Variants in ABCA13 observed in about 807,000 individuals in gnomAD.
ABCA13 encodes ATP binding cassette subfamily A member 13.
In ABCA13, 476 loss-of-function variants were observed where a neutral mutation model predicts 478.7. The observed-to-expected ratio is 0.99, with a 90% CI of 0.92 to 1.07. The LOEUF (loss-of-function observed/expected upper bound fraction) is 1.07, where lower values mean the gene tolerates loss of function less well. Ranked by LOEUF, ABCA13 falls within the 50% of genes least tolerant of loss-of-function variation. The pLI, the probability that ABCA13 is intolerant of heterozygous loss-of-function variation, is 0.00. For missense variants in ABCA13, 6,060 were observed against 5,910.6 expected, an observed-to-expected ratio of 1.03 and a Z score of -0.83; for synonymous variants, 2,252 against 2,158.9, an observed-to-expected ratio of 1.04 and a Z score of -1.20.
chr7:48,310,904 TCTC>T (rs1480184946), intron 24 of ABCA13, among the ~76,000 whole-genome samples: 3 of 152,080 alleles, frequency 2.0e-5, no homozygotes, highest in Non-Finnish European at 2.9e-5. Context: ...TCCAGAAGCT[TCTC>T]CTCCTTCTGG....
At chr7:48,500,834 C>T (rs1053117168) in intron 48 of ABCA13, among the ~76,000 whole-genome samples, 1 of 152,122 alleles carries the variant, frequency 6.6e-6, no homozygotes, top group African/African-American at 2.4e-5. Context: ...AGAAAGCTCC[C>T]CGACTTCCTC....
At chr7:48,382,462 A>G (rs1016876369) in intron 35 of ABCA13, among the ~76,000 whole-genome samples, 15 of 152,206 alleles carry the variant, frequency 9.9e-5, no homozygotes, top group African/African-American at 3.4e-4. Context: ...GCAGTCTTCA[A>G]TGTGCCCAGC....
chr7:48,588,351 C>A (rs1414166624), intron 57 of ABCA13, among the ~76,000 whole-genome samples: 1 of 152,184 alleles, frequency 6.6e-6, no homozygotes, highest in Non-Finnish European at 1.5e-5. Context: ...GTTAACAAGA[C>A]GTGGGCATTC....
intron 42 of ABCA13, among the ~76,000 whole-genome samples, chr7:48,438,045 A>C (rs894659988): frequency 9.2e-5 from 14 of 152,148 alleles, no homozygotes; most frequent in African/African-American, 3.4e-4. Flanking sequence ...TTGCCCACCA[A>C]ATGCCTTCCA....
In ABCA13 at chr7:48,274,737, G is replaced by C; in HGVS notation, c.5071G>C (p.Asp1691His). The C allele has an allele frequency of 6.2e-7, 1 of 1,613,962 alleles. No individual in the cohort carries two copies. Among genetic ancestry groups the C allele is most frequent in the Non-Finnish European group, 8.5e-7 (1 of 1,179,852 alleles). Reference protein sequence around the residue: ...QLEQVSVNLMDFFKNISSVGT... With the variant: ...QLEQVSVNLMHFFKNISSVGT... ...TGAACAAGTTAGTGTAAACCTAATGGATTTCTTTAAGAATATCAGTAGTGT... is the reference window on the plus strand; with the variant it reads ...TGAACAAGTTAGTGTAAACCTAATGCATTTCTTTAAGAATATCAGTAGTGT... Residue 1691 changes from aspartate to histidine, a missense_variant, in exon 17 of 62, where the codon GAT (aspartate) becomes CAT (histidine). Asp to His is a moderately conservative substitution (Grantham distance 81). Transcript: ENST00000435803.
chr7:48,364,462 G>A (rs924212551), intron 31 of ABCA13, among the ~76,000 whole-genome samples: 3 of 152,076 alleles, frequency 2.0e-5, no homozygotes, highest in Non-Finnish European at 4.4e-5. Context: ...AAATATACAA[G>A]TTATTGTTAA....
At chr7:48,175,848 C>A (rs1246434631) in intron 1 of ABCA13, among the ~76,000 whole-genome samples, 1 of 152,058 alleles carries the variant, frequency 6.6e-6, no homozygotes, top group Non-Finnish European at 1.5e-5. Flanking sequence ...CCTCTCCCTA[C>A]CTTCACCAGC....
rs191215333 is a variant in ABCA13, at chr7:48,425,902, C to T, written c.12460-1864C>T. On this transcript the variant is annotated intron_variant, in intron 41 of 61. Coordinates refer to ENST00000435803, the MANE Select transcript of ABCA13 (RefSeq NM_152701.5). ...GACTACAGGCGCCCGCCACCTCGCC[C>T]GGCTAATTTTTTGTATTTTTAGTAG... Among the ~76,000 whole-genome samples the T allele has an allele frequency of 3.1e-3, 468 of 151,998 alleles. 8 individuals are homozygous for T. The highest frequency in any genetic ancestry group is 0.011 in the African/African-American group (443 of 41,490).
intron 9 of ABCA13, among the ~76,000 whole-genome samples, chr7:48,239,845 T>C (rs1260658018): frequency 6.6e-6 from 1 of 152,232 alleles, no homozygotes; most frequent in Non-Finnish European, 1.5e-5. Context: ...TGACTGTGAT[T>C]TCAGTGACCA....
At chr7:48,295,191 C>T (rs1023878741) in intron 20 of ABCA13, among the ~76,000 whole-genome samples, 7 of 152,144 alleles carry the variant, frequency 4.6e-5, no homozygotes, top group South Asian at 2.1e-4. Context: ...TACCAACACT[C>T]GTTATTTCTT....
intron 40 of ABCA13, 93 bp downstream of exon 40, chr7:48,410,770 A>G: frequency 6.7e-7 from 1 of 1,501,270 alleles, no homozygotes; most frequent in South Asian, 1.3e-5. Context: ...ATAACGTCTC[A>G]GTGGAGGCCT....
At chr7:48,421,266 G>A (rs80326130) in intron 41 of ABCA13, among the ~76,000 whole-genome samples, 12 of 150,676 alleles carry the variant, frequency 8.0e-5, no homozygotes, top group Non-Finnish European at 1.3e-4. Flanking sequence ...ACCTGTTTTT[G>A]CATCTTCTGA....
At chr7:48,245,820 C>A in intron 12 of ABCA13, 43 bp from the exon 13 acceptor site, 2 of 1,567,320 alleles carry the variant, frequency 1.3e-6, no homozygotes, top group African/African-American at 1.4e-5. Flanking sequence ...GGTATCTAAG[C>A]CTCTTTAAAT....
intron 15 of ABCA13, among the ~76,000 whole-genome samples, chr7:48,263,334 A>G (rs1794445231): frequency 6.6e-6 from 1 of 151,950 alleles, no homozygotes; most frequent in Non-Finnish European, 1.5e-5. Context: ...AGTATGTGGT[A>G]TAATAGAGAC....
chr7:48,360,681 G>A (rs763749669), intron 31 of ABCA13, among the ~76,000 whole-genome samples: 2 of 151,822 alleles, frequency 1.3e-5, no homozygotes, highest in East Asian at 1.9e-4. Context: ...ATTCTTTGTC[G>A]TTGTGATTCA....
At chr7:48,543,253 G>T (rs1784502139) in intron 55 of ABCA13, among the ~76,000 whole-genome samples, 1 of 151,640 alleles carries the variant, frequency 6.6e-6, no homozygotes, top group African/African-American at 2.4e-5. Flanking sequence ...TGAAAACAAG[G>T]ATCAAATAAG....
chr7:48,485,524 C>T (rs938728045), intron 47 of ABCA13, among the ~76,000 whole-genome samples: 4 of 152,058 alleles, frequency 2.6e-5, no homozygotes, highest in African/African-American at 9.7e-5. Context: ...ACTTTAAGAT[C>T]ATCACAAAGT....
At chr7:48,286,078 A>G (rs1164661306) in intron 19 of ABCA13, among the ~76,000 whole-genome samples, 1 of 152,214 alleles carries the variant, frequency 6.6e-6, no homozygotes, top group African/African-American at 2.4e-5. Flanking sequence ...GCAACCTTGA[A>G]TGGAAGGTGC....
intron 17 of ABCA13, among the ~76,000 whole-genome samples, chr7:48,277,690 T>C (rs1796482884): frequency 6.6e-6 from 1 of 152,198 alleles, no homozygotes; most frequent in African/African-American, 2.4e-5. Context: ...GTCTGAGCAA[T>C]TTGCTAGTAC....
Sources: gnomAD v4.1 joint callset for allele counts (sites outside exome capture counted in the v4.1 genomes callset) on GRCh38, gnomAD v4.1.1 for gene constraint, MANE v1.5 for transcripts, NCBI Gene and HGNC (gene_info 2026-07-23, HGNC 2026-07-21) for gene names.